The following ENDOD1 variants were observed in gnomAD, a reference collection of about 807,000 sequenced individuals.
ENDOD1 encodes endonuclease domain containing 1.
In ENDOD1, 9 loss-of-function variants were observed where a neutral mutation model predicts 6.5. The observed-to-expected ratio is 1.39, with a 90% CI of 0.84 to 2.43. The LOEUF (loss-of-function observed/expected upper bound fraction) is 2.43, where lower values mean the gene tolerates loss of function less well. Among genes scored for constraint, ENDOD1 ranks in the 30% most tolerant of loss-of-function variants. ENDOD1 has a pLI of 0.00. For synonymous variants in ENDOD1, 255 were observed against 255.2 expected (o/e 1.00, Z 0.01); for missense variants, 648 against 635.5 (o/e 1.02, Z -0.21).
At chr11:95,126,801 C>T (rs1378616918) in intron 1 of ENDOD1, among the ~76,000 whole-genome samples, 2 of 152,156 alleles carry the variant, frequency 1.3e-5, no homozygotes, top group East Asian at 3.9e-4. Context: ...CCACCTTAGC[C>T]TCCTGAGTAG....
intron 1 of ENDOD1, among the ~76,000 whole-genome samples, chr11:95,097,709 G>C (rs1210296275): frequency 6.6e-6 from 1 of 152,198 alleles, no homozygotes; most frequent in Non-Finnish European, 1.5e-5. Flanking sequence ...GATCTGACAA[G>C]ACAGTAGTAT....
At chr11:95,111,379 C>T (rs535253094) in intron 1 of ENDOD1, among the ~76,000 whole-genome samples, 8 of 152,056 alleles carry the variant, frequency 5.3e-5, no homozygotes, top group South Asian at 4.2e-4. Flanking sequence ...GGGATGGTTT[C>T]GGGATGATTC....
At chr11:95,098,246 A>C (rs1859005191) in intron 1 of ENDOD1, among the ~76,000 whole-genome samples, 1 of 152,220 alleles carries the variant, frequency 6.6e-6, no homozygotes, top group African/African-American at 2.4e-5. Flanking sequence ...GGGATAAATC[A>C]GTTCTAGAGA....
chr11:95,125,871 C>G (rs1333402212), intron 1 of ENDOD1, among the ~76,000 whole-genome samples: 2 of 152,116 alleles, frequency 1.3e-5, no homozygotes, highest in Non-Finnish European at 2.9e-5. Context: ...GGTTCCAAGT[C>G]TTTGCTATTG....
chr11:95,128,920 A>C lies in ENDOD1; in HGVS notation c.844A>C (p.Ile282Leu). ...GCAAGACACAGAGAAAATGAAAAAA[A>C]TCCTGGAAGTGGTTAACCAAATCCA... is the stretch of plus-strand genomic sequence containing the variant. The part of the protein sequence containing the change: ...TEQDTEKMKK[I>L]LEVVNQIQDE... Residue 282 changes from isoleucine to leucine, a missense_variant, in exon 2 of 2, where the codon ATC (isoleucine) becomes CTC (leucine). Coordinates refer to ENST00000278505, the MANE Select transcript of ENDOD1 (RefSeq NM_015036.3). The C allele has an allele frequency of 6.2e-7, 1 of 1,614,178 alleles. No homozygotes were observed. Among genetic ancestry groups the C allele is most frequent in the Non-Finnish European group, 8.5e-7 (1 of 1,180,026 alleles).
chr11:95,116,195 A>G (rs1338073088), intron 1 of ENDOD1, among the ~76,000 whole-genome samples: 7 of 151,738 alleles, frequency 4.6e-5, no homozygotes, highest in African/African-American at 1.7e-4. Flanking sequence ...CAGGTTTTGG[A>G]TTTCTTCCTT....
chr11:95,115,858 G>T (rs1367537766), intron 1 of ENDOD1, among the ~76,000 whole-genome samples: 1 of 152,066 alleles, frequency 6.6e-6, no homozygotes, highest in Non-Finnish European at 1.5e-5. Flanking sequence ...CATGATGAAT[G>T]ATCTTTTTAA....
intron 1 of ENDOD1, among the ~76,000 whole-genome samples, chr11:95,115,762 C>T (rs186545576): frequency 6.6e-6 from 1 of 152,140 alleles, no homozygotes; most frequent in Non-Finnish European, 1.5e-5. Context: ...GGTATTTGTC[C>T]TTCATTCTGT....
chr11:95,094,078 A>G (rs1449602827), intron 1 of ENDOD1, among the ~76,000 whole-genome samples: 1 of 151,116 alleles, frequency 6.6e-6, no homozygotes, highest in African/African-American at 2.4e-5. Context: ...AAGCCAACAT[A>G]TAAAGCTCTA....
rs765221095 is a variant in ENDOD1, at chr11:95,128,570, C to T, written c.494C>T (p.Pro165Leu). 2 of 1,614,126 alleles carry T rather than the reference C, an allele frequency of 1.2e-6. No individual in the cohort carries two copies. The highest frequency in any genetic ancestry group is 1.7e-6 in the Non-Finnish European group (2 of 1,180,046). ...ACATTTACTCTCACAAATTCAGCCC[C>T]AATGACTCAGTCCTTCCAGGAACGG... is the stretch of plus-strand genomic sequence containing the variant. ...VATFTLTNSA[P>L]MTQSFQERWY... is the part of the protein sequence containing the mutation. Residue 165 changes from proline (P) to leucine (L), a missense_variant, in exon 2 of 2, where the codon CCA (proline) becomes CTA (leucine). Transcript: ENST00000278505.
At chr11:95,128,305 G>T in intron 1 of ENDOD1, 72 bp from the exon 2 acceptor site, 1 of 1,537,784 alleles carries the variant, frequency 6.5e-7, no homozygotes. Context: ...CCAGAGTCTG[G>T]GCAGGATGAT....
chr11:95,099,793 C>T (rs1859020712), intron 1 of ENDOD1, among the ~76,000 whole-genome samples: 1 of 152,158 alleles, frequency 6.6e-6, no homozygotes, highest in African/African-American at 2.4e-5. Context: ...TGCCTTCCCT[C>T]TATGTTTGTG....
chr11:95,096,158 C>T lies in ENDOD1; in HGVS notation c.300+5931C>T, dbSNP rs4643036. On this transcript the variant is annotated intron_variant, in intron 1 of 1. Coordinates refer to ENST00000278505, the MANE Select transcript of ENDOD1 (RefSeq NM_015036.3). ...GTGAAAATTTTAGAAAGTAAATCCTCTTATTTGCCAGTAGCATTTGTTTTC... is the reference window on the plus strand; with the variant it reads ...GTGAAAATTTTAGAAAGTAAATCCTTTTATTTGCCAGTAGCATTTGTTTTC... 1.0e-3 allele frequency among the ~76,000 whole-genome samples: 136 copies of T among 129,646 alleles called. 1 individual carries two copies. The highest frequency in any genetic ancestry group is 3.9e-3 in the African/African-American group (135 of 34,980). The allele number at this position is 129,646 out of a possible 152,430, so 85.1% of individuals were successfully genotyped here.
chr11:95,089,877 C>A lies in ENDOD1; in HGVS notation c.-51C>A, dbSNP rs1591005850. On this transcript the variant is annotated 5_prime_UTR_variant, in exon 1 of 2. Coordinates refer to ENST00000278505, the MANE Select transcript of ENDOD1 (RefSeq NM_015036.3). ...CGCTCCCCGCCCAGCCTGCAGAGCTCGCGCCGCGGCAGCCCAGCCGCTCGG... is the reference window on the plus strand; with the variant it reads ...CGCTCCCCGCCCAGCCTGCAGAGCTAGCGCCGCGGCAGCCCAGCCGCTCGG... The A allele has an allele frequency of 3.1e-6, 4 of 1,287,188 alleles. No homozygotes were observed. Among genetic ancestry groups the A allele is most frequent in the Non-Finnish European group, 3.9e-6 (4 of 1,015,156 alleles). 79.7% of individuals were successfully genotyped at this position (1,287,188 alleles called of 1,614,324 possible).
At chr11:95,109,015 G>T (rs1360640620) in intron 1 of ENDOD1, among the ~76,000 whole-genome samples, 1 of 152,200 alleles carries the variant, frequency 6.6e-6, no homozygotes, top group African/African-American at 2.4e-5. Flanking sequence ...ATCCCAGTGT[G>T]TGTGGGTGTG....
At position 95,129,013 on chromosome 11, in the gene ENDOD1, TCTA is replaced by T. The variant is rs1287278506; in HGVS notation, c.940_942del (p.Thr314del). On this transcript the variant is annotated inframe_deletion, in exon 2 of 2. Coordinates refer to ENST00000278505, the MANE Select transcript of ENDOD1 (RefSeq NM_015036.3). Reference sequence around the variant, plus strand: ...CCTTTCTAGCACCAGGAGCAAGAGGTCTACTCTGTTGCCTCCAGAGGCATCTGA... The same window carrying T: ...CCTTTCTAGCACCAGGAGCAAGAGGTCTCTGTTGCCTCCAGAGGCATCTGA... 1 of 1,613,748 alleles carries T rather than the reference TCTA, an allele frequency of 6.2e-7. No homozygotes were observed. The highest frequency in any genetic ancestry group is 2.2e-5 in the East Asian group (1 of 44,896).
chr11:95,119,775 G>T (rs143581124), intron 1 of ENDOD1, among the ~76,000 whole-genome samples: 1,560 of 152,340 alleles, frequency 0.01, 27 homozygotes, highest in African/African-American at 0.035. Context: ...CAGGCCCTGG[G>T]CATGTCCAGA....
chr11:95,099,278 C>T (rs1859014966), intron 1 of ENDOD1, among the ~76,000 whole-genome samples: 1 of 152,202 alleles, frequency 6.6e-6, no homozygotes, highest in African/African-American at 2.4e-5. Flanking sequence ...TCCCCTGCAT[C>T]TCAGTGAGTA....
Position 95,128,776 on chromosome 11 carries a change from A to G in ENDOD1, c.700A>G (p.Met234Val), listed in dbSNP as rs1190697573. 2 of 1,614,090 alleles carry G rather than the reference A, an allele frequency of 1.2e-6. No individual in the cohort carries two copies. The highest frequency in any genetic ancestry group is 1.7e-5 in the Admixed American group (1 of 60,000). ...TGCTGTCCCTGGAGGAGGCTGGGCCATGGGCTTTGTCAAGCACACCCGGGA... is the reference window on the plus strand; with the variant it reads ...TGCTGTCCCTGGAGGAGGCTGGGCCGTGGGCTTTGTCAAGCACACCCGGGA... ...CCAVPGGGWA[M>V]GFVKHTRDSD... The change falls in exon 2 of 2, where the codon ATG (methionine) becomes GTG (valine). Residue 234 changes from methionine (M) to valine (V), a missense_variant. Physicochemically the swap from Met to Val is conservative, Grantham distance 21. Coordinates refer to ENST00000278505, the MANE Select transcript of ENDOD1 (RefSeq NM_015036.3).
Sources: gnomAD v4.1 joint callset for allele counts (sites outside exome capture counted in the v4.1 genomes callset) on GRCh38, gnomAD v4.1.1 for gene constraint, MANE v1.5 for transcripts, NCBI Gene and HGNC (gene_info 2026-07-23, HGNC 2026-07-21) for gene names.